The following SPAG16 variants were observed in gnomAD, a reference collection of about 807,000 sequenced individuals.
SPAG16 encodes sperm associated antigen 16.
SPAG16 carries 86 observed loss-of-function variants against 80.4 expected under a neutral mutation model. That is an observed-to-expected ratio of 1.07 (90% CI 0.90 to 1.28). SPAG16 has a LOEUF of 1.28. Among genes scored for constraint, SPAG16 ranks in the 50% most tolerant of loss-of-function variants. The pLI is 0.00. For missense variants in SPAG16, 870 were observed against 765.3 expected (o/e 1.14, Z -1.61); for synonymous variants, 294 against 265.9 (o/e 1.11, Z -1.03).
intron 10 of SPAG16, among the ~76,000 whole-genome samples, chr2:213,730,722 G>C (rs1241741339): frequency 1.3e-5 from 2 of 152,080 alleles, no homozygotes; most frequent in Non-Finnish European, 2.9e-5. Context: ...CATTAATTTG[G>C]AGGAAGTTCT....
intron 11 of SPAG16, among the ~76,000 whole-genome samples, chr2:213,895,000 A>C (rs1174598054): frequency 6.7e-6 from 1 of 149,568 alleles, no homozygotes; most frequent in Non-Finnish European, 1.5e-5. Context: ...AAAAAAAAAA[A>C]AAAAAAAAAA....
At chr2:213,864,106 A>G (rs758325740) in intron 11 of SPAG16, among the ~76,000 whole-genome samples, 2 of 152,128 alleles carry the variant, frequency 1.3e-5, no homozygotes, top group African/African-American at 4.8e-5. Flanking sequence ...AAAAAGCTCT[A>G]TTTTGGTTTA....
At chr2:213,499,087 AT>A (rs567955414) in intron 10 of SPAG16, among the ~76,000 whole-genome samples, 5 of 151,028 alleles carry the variant, frequency 3.3e-5, no homozygotes, top group Admixed American at 2.0e-4. Context: ...GCTCTAACCA[AT>A]TTTTTTTTCT....
intron 15 of SPAG16, among the ~76,000 whole-genome samples, chr2:214,345,170 T>C (rs1362457021): frequency 6.6e-6 from 1 of 152,126 alleles, no homozygotes; most frequent in Non-Finnish European, 1.5e-5. Flanking sequence ...TAAATGCTTC[T>C]AGGGCTGGAG....
At position 213,420,713 on chromosome 2, in the gene SPAG16, G is replaced by C. The variant is rs373407757; in HGVS notation, c.942+45594G>C. ...ACCTAATACCACTATGGAGTTTCTA[G>C]AAGCAATACATATTTGCTATAGAAT... is the stretch of plus-strand genomic sequence containing the variant. On this transcript the variant is annotated intron_variant, in intron 9 of 15. Coordinates refer to ENST00000331683, the MANE Select transcript of SPAG16 (RefSeq NM_024532.5). 2.8e-4 allele frequency among the ~76,000 whole-genome samples: 42 copies of C among 152,250 alleles called. 1 individual carries two copies. Among genetic ancestry groups the C allele is most frequent in the East Asian group, 1.7e-3 (9 of 5,186 alleles).
chr2:213,426,538 C>A (rs1304857170), intron 9 of SPAG16, among the ~76,000 whole-genome samples: 3 of 151,902 alleles, frequency 2.0e-5, no homozygotes. Context: ...TTTAGAAAAT[C>A]TACAACCTAC....
chr2:214,181,263 C>G, intron 15 of SPAG16, among the ~76,000 whole-genome samples: 1 of 151,688 alleles, frequency 6.6e-6, no homozygotes, highest in Admixed American at 6.6e-5. Context: ...TTGTGTCCCT[C>G]TCTGCCTAGT....
At chr2:214,121,657 A>G (rs1417246525) in intron 14 of SPAG16, among the ~76,000 whole-genome samples, 1 of 151,850 alleles carries the variant, frequency 6.6e-6, no homozygotes, top group Non-Finnish European at 1.5e-5. Context: ...TAAAGTCTGA[A>G]CATCTCTAAT....
chr2:213,972,242 A>AAG (rs1474374213), intron 12 of SPAG16, among the ~76,000 whole-genome samples: 1 of 150,910 alleles, frequency 6.6e-6, no homozygotes, highest in Non-Finnish European at 1.5e-5. Flanking sequence ...ATCAGAGAAA[A>AAG]AGAACCCATA....
At chr2:214,204,448 A>G (rs2058089230) in intron 15 of SPAG16, among the ~76,000 whole-genome samples, 1 of 152,228 alleles carries the variant, frequency 6.6e-6, no homozygotes, top group African/African-American at 2.4e-5. Context: ...CACCTCTACT[A>G]GAGCAGGTGC....
chr2:213,399,479 A>G (rs983296919), intron 9 of SPAG16, among the ~76,000 whole-genome samples: 3 of 152,068 alleles, frequency 2.0e-5, no homozygotes, highest in Admixed American at 2.0e-4. Flanking sequence ...CATGGATTTT[A>G]AAATGTAAAC....
chr2:214,034,078 C>T (rs954400205), intron 13 of SPAG16, among the ~76,000 whole-genome samples: 1 of 152,154 alleles, frequency 6.6e-6, no homozygotes, highest in African/African-American at 2.4e-5. Flanking sequence ...TACAGGCCAG[C>T]TATTTATAGA....
chr2:213,864,587 CAT>C (rs1000404908), intron 11 of SPAG16, among the ~76,000 whole-genome samples: 4 of 152,056 alleles, frequency 2.6e-5, no homozygotes, highest in African/African-American at 9.7e-5. Flanking sequence ...ACACAAGACA[CAT>C]ATACTTTTTC....
chr2:213,676,958 G>C (rs548533192), intron 10 of SPAG16, among the ~76,000 whole-genome samples: 1 of 151,416 alleles, frequency 6.6e-6, no homozygotes, highest in East Asian at 1.9e-4. Flanking sequence ...AGAAGGAATG[G>C]TACCAGTTCC....
intron 10 of SPAG16, among the ~76,000 whole-genome samples, chr2:213,851,148 G>A (rs1193223914): frequency 6.6e-6 from 1 of 152,128 alleles, no homozygotes; most frequent in African/African-American, 2.4e-5. Context: ...AAGTTGTGTG[G>A]AAAGTTTTAC....
intron 10 of SPAG16, among the ~76,000 whole-genome samples, chr2:213,685,496 C>T (rs2064620898): frequency 6.6e-6 from 1 of 152,216 alleles, no homozygotes. Context: ...GCCTTCTGGC[C>T]TCCAGAAGTG....
intron 15 of SPAG16, among the ~76,000 whole-genome samples, chr2:214,274,538 G>A (rs1248111198): frequency 6.6e-6 from 1 of 152,054 alleles, no homozygotes; most frequent in Non-Finnish European, 1.5e-5. Flanking sequence ...CCTTTTTTCT[G>A]CATCTATTGA....
intron 10 of SPAG16, among the ~76,000 whole-genome samples, chr2:213,498,428 T>C (rs1385833313): frequency 2.0e-5 from 3 of 152,154 alleles, no homozygotes; most frequent in South Asian, 2.1e-4. Context: ...GAGAATGATA[T>C]TGTCATATTG....
chr2:213,846,962 C>G (rs1286204686), intron 10 of SPAG16, among the ~76,000 whole-genome samples: 1 of 152,098 alleles, frequency 6.6e-6, no homozygotes, highest in Admixed American at 6.6e-5. Context: ...GGGCAGACTT[C>G]AGGTTTAGTG....
Sources: gnomAD v4.1 joint callset for allele counts (sites outside exome capture counted in the v4.1 genomes callset) on GRCh38, gnomAD v4.1.1 for gene constraint, MANE v1.5 for transcripts, NCBI Gene and HGNC (gene_info 2026-07-23, HGNC 2026-07-21) for gene names.